The following COMMD7 variants were observed in gnomAD, a reference collection of about 807,000 sequenced individuals.
The protein encoded by COMMD7 is COMM domain-containing protein 7.
Under a neutral mutation model 34.8 loss-of-function variants are expected in COMMD7, and 28 were observed. The observed-to-expected ratio is 0.80, with a 90% CI of 0.60 to 1.10. The LOEUF (loss-of-function observed/expected upper bound fraction) is 1.10, where lower values mean the gene tolerates loss of function less well. Ranked by LOEUF, COMMD7 falls within the 50% of genes least tolerant of loss-of-function variation. COMMD7 has a pLI of 0.00. For synonymous variants in COMMD7, 80 were observed against 86.4 expected, an observed-to-expected ratio of 0.93 and a Z score of 0.41; for missense variants, 211 against 241.6, an observed-to-expected ratio of 0.87 and a Z score of 0.84.
chr20:32,715,386 G>A (rs766800306), intron 3 of COMMD7, among the ~76,000 whole-genome samples: 3 of 147,610 alleles, frequency 2.0e-5, no homozygotes, highest in Non-Finnish European at 3.0e-5. Context: ...GGGAGGCTGA[G>A]GTGGGAGGCT....
chr20:32,709,036 A>C (rs1179291604), intron 3 of COMMD7, among the ~76,000 whole-genome samples: 1 of 152,164 alleles, frequency 6.6e-6, no homozygotes, highest in African/African-American at 2.4e-5. Flanking sequence ...GCAAATGCAG[A>C]TAGTCAAGAA....
At chr20:32,729,698 A>G (rs1985725629) in intron 1 of COMMD7, among the ~76,000 whole-genome samples, 2 of 151,672 alleles carry the variant, frequency 1.3e-5, no homozygotes, top group Non-Finnish European at 2.9e-5. Context: ...CTTCCGAGCA[A>G]GCAGAACTGT....
intron 3 of COMMD7, among the ~76,000 whole-genome samples, chr20:32,708,136 G>A (rs1414503007): frequency 6.6e-6 from 1 of 152,164 alleles, no homozygotes; most frequent in African/African-American, 2.4e-5. Context: ...ACACTTCCCT[G>A]TGGTGGTCAC....
chr20:32,742,426 G>A (rs891705002), intron 1 of COMMD7: 6 of 151,984 alleles, frequency 3.9e-5, no homozygotes, highest in South Asian at 2.1e-4. Flanking sequence ...ACAACCTAGC[G>A]GGGGAAATAG....
In COMMD7 at chr20:32,703,329, C is replaced by CAGGGAAGGGAGG; in HGVS notation, c.*41_*52dup. The CAGGGAAGGGAGG allele has an allele frequency of 6.5e-7, 1 of 1,536,424 alleles. No individual in the cohort carries two copies. Among genetic ancestry groups the CAGGGAAGGGAGG allele is most frequent in the Non-Finnish European group, 9.0e-7 (1 of 1,116,540 alleles). On this transcript the variant is annotated 3_prime_UTR_variant, in exon 9 of 9. Transcript: ENST00000278980. ...TGAAGTGCCTCTCAGAGCAGTCACC[C>CAGGGAAGGGAGG]AGGGAAGGGAGGAGGGCAGGGAACG...
At position 32,743,343 on chromosome 20, in the gene COMMD7, C is replaced by T; in HGVS notation, c.49G>A (p.Gly17Ser). The change falls in exon 1 of 9, where the codon GGC becomes AGC. Residue 17 changes from glycine to serine, a missense_variant. By Grantham distance (56) the Gly-to-Ser change is moderately conservative (BLOSUM62 0). Coordinates refer to ENST00000278980, the MANE Select transcript of COMMD7 (RefSeq NM_053041.3). ...AGCTGGTTCAGCTGCTGCATGTCGC[C>T]GCCCACGGCCTCCGGCACCGGGTCC... is the stretch of plus-strand genomic sequence containing the variant. ...TEDPVPEAVG[G>S]DMQQLNQLGA... is the part of the protein sequence containing the mutation. 6.6e-7 allele frequency: 1 copy of T among 1,514,568 alleles called. No homozygotes were observed. Among genetic ancestry groups the T allele is most frequent in the Non-Finnish European group, 8.8e-7 (1 of 1,137,874 alleles). The allele number at this position is 1,514,568 out of a possible 1,614,324, so 93.8% of individuals were successfully genotyped here.
intron 1 of COMMD7, among the ~76,000 whole-genome samples, chr20:32,736,530 C>T (rs1239279869): frequency 6.6e-6 from 1 of 151,926 alleles, no homozygotes; most frequent in Non-Finnish European, 1.5e-5. Flanking sequence ...ATTAGCCAGG[C>T]ATGGTGGCAC....
At chr20:32,718,319 G>A (rs1984935100) in intron 3 of COMMD7, among the ~76,000 whole-genome samples, 1 of 151,938 alleles carries the variant, frequency 6.6e-6, no homozygotes, top group African/African-American at 2.4e-5. Context: ...CAGGAGAATG[G>A]CGTGAACCCG....
intron 3 of COMMD7, among the ~76,000 whole-genome samples, chr20:32,714,246 T>C (rs1284196736): frequency 7.9e-5 from 12 of 152,206 alleles, no homozygotes; most frequent in Admixed American, 7.9e-4. Context: ...TATGACTACA[T>C]TTCATTGCTG....
intron 8 of COMMD7, 151 bp downstream of exon 8, chr20:32,703,872 T>C: frequency 6.4e-7 from 1 of 1,550,936 alleles, no homozygotes; most frequent in Non-Finnish European, 8.7e-7. Flanking sequence ...CCTTGTGCCA[T>C]CTTTCAGGAG....
chr20:32,734,763 AC>A (rs1431297847), intron 1 of COMMD7, among the ~76,000 whole-genome samples: 1 of 151,774 alleles, frequency 6.6e-6, no homozygotes, highest in Non-Finnish European at 1.5e-5. Context: ...CCCCATGTCT[AC>A]TAAAAATACA....
chr20:32,717,963 C>T (rs1225836152), intron 3 of COMMD7, among the ~76,000 whole-genome samples: 1 of 151,692 alleles, frequency 6.6e-6, no homozygotes, highest in Non-Finnish European at 1.5e-5. Flanking sequence ...GTAGTGTGTG[C>T]CTGTAATCCC....
In COMMD7 at chr20:32,706,686, C is replaced by T; in HGVS notation, c.298+18G>A. On this transcript the variant is annotated intron_variant, in intron 4 of 8. Coordinates refer to ENST00000278980, the MANE Select transcript of COMMD7 (RefSeq NM_053041.3). ...CTCAGAAGCCAGTCACCCTGAGCAA[C>T]CCTGGCCAATGACCTACCCAGAGTT... The T allele has an allele frequency of 1.2e-6, 2 of 1,613,748 alleles. No homozygotes were observed. The highest frequency in any genetic ancestry group is 2.2e-5 in the South Asian group (2 of 91,074).
chr20:32,703,813 C>G (rs1373049321), intron 8 of COMMD7: 4 of 1,528,970 alleles, frequency 2.6e-6, no homozygotes, highest in African/African-American at 1.4e-5. Flanking sequence ...TTTTTCAAAA[C>G]GGCTCTTCAA....
chr20:32,731,728 A>G (rs1046201820), intron 1 of COMMD7, among the ~76,000 whole-genome samples: 95 of 152,354 alleles, frequency 6.2e-4, no homozygotes, highest in Middle Eastern at 3.4e-3. Context: ...GTAAGTGCAC[A>G]GTATTTGCTG....
At chr20:32,709,011 T>C (rs1019284281) in intron 3 of COMMD7, among the ~76,000 whole-genome samples, 2 of 152,170 alleles carry the variant, frequency 1.3e-5, no homozygotes, top group Admixed American at 6.6e-5. Context: ...TTAAGCATTT[T>C]TGGGAGAAAA....
At chr20:32,713,614 C>A (rs1400971780) in intron 3 of COMMD7, among the ~76,000 whole-genome samples, 1 of 152,212 alleles carries the variant, frequency 6.6e-6, no homozygotes, top group African/African-American at 2.4e-5. Flanking sequence ...GGCTGACCAG[C>A]TGAAGCCACC....
chr20:32,726,355 C>T (rs1985512923), intron 3 of COMMD7, among the ~76,000 whole-genome samples: 1 of 152,028 alleles, frequency 6.6e-6, no homozygotes, highest in Admixed American at 6.6e-5. Context: ...CAAGATTCTG[C>T]ACTGCACTCC....
intron 1 of COMMD7, among the ~76,000 whole-genome samples, chr20:32,732,728 C>T (rs1343495142): frequency 6.6e-6 from 1 of 151,068 alleles, no homozygotes; most frequent in Admixed American, 6.6e-5. Context: ...AGATCTAGAC[C>T]ATCCTGGCTA....
Sources: gnomAD v4.1 joint callset for allele counts (sites outside exome capture counted in the v4.1 genomes callset) on GRCh38, gnomAD v4.1.1 for gene constraint, MANE v1.5 for transcripts, NCBI Gene and HGNC (gene_info 2026-07-23, HGNC 2026-07-21) for gene names.